The following CLPB variants were observed in gnomAD, a reference collection of about 807,000 sequenced individuals.
CLPB encodes the protein mitochondrial disaggregase.
CLPB carries 40 observed loss-of-function variants against 78.4 expected under a neutral mutation model. The observed-to-expected ratio is 0.51, with a 90% confidence interval of 0.40 to 0.66. The LOEUF is 0.66. CLPB is among the 30% of genes least tolerant of loss of function. CLPB has a pLI of 0.00. For synonymous variants in CLPB, 333 were observed against 348.0 expected (o/e 0.96, Z 0.48); for missense variants, 780 against 886.9 (o/e 0.88, Z 1.53).
chr11:72,432,227 G>A (rs1367735272), intron 1 of CLPB, among the ~76,000 whole-genome samples: 5 of 152,122 alleles, frequency 3.3e-5, no homozygotes, highest in African/African-American at 9.7e-5. Flanking sequence ...GCCTTTGCAT[G>A]GAATATAATC....
At chr11:72,366,917 G>T (rs60712691) in intron 4 of CLPB, among the ~76,000 whole-genome samples, 15,399 of 152,030 alleles carry the variant, frequency 0.1, 1,042 homozygotes, top group African/African-American at 0.19. Context: ...AAAAGAAACA[G>T]GCACTCATAT....
At chr11:72,369,597 TTTC>T (rs569598744) in intron 4 of CLPB, among the ~76,000 whole-genome samples, 5 of 152,172 alleles carry the variant, frequency 3.3e-5, no homozygotes, top group Non-Finnish European at 7.3e-5. Context: ...TCCTCTGCCT[TTTC>T]TTCAAGATGT....
chr11:72,357,700 GAAAA>G (rs747456359), intron 5 of CLPB, among the ~76,000 whole-genome samples: 3 of 43,882 alleles, frequency 6.8e-5, no homozygotes, highest in Admixed American at 2.6e-4. Flanking sequence ...CCGTGTCCCA[GAAAA>G]AAAAAAAAAA....
intron 5 of CLPB, among the ~76,000 whole-genome samples, chr11:72,351,178 A>G (rs986008702): frequency 6.6e-5 from 10 of 152,222 alleles, no homozygotes; most frequent in African/African-American, 2.4e-4. Context: ...GAGAAGGGCC[A>G]TGTTAGAGAA....
chr11:72,316,848 G>C (rs113560008), intron 7 of CLPB, among the ~76,000 whole-genome samples: 2 of 152,246 alleles, frequency 1.3e-5, no homozygotes, highest in Admixed American at 1.3e-4. Flanking sequence ...AAGCAGCCTC[G>C]AGCAAGTGAT....
At chr11:72,382,079 C>A (rs1215528501) in intron 3 of CLPB, among the ~76,000 whole-genome samples, 2 of 152,132 alleles carry the variant, frequency 1.3e-5, no homozygotes, top group African/African-American at 4.8e-5. Flanking sequence ...CTCACAGACC[C>A]AGGCTCCGTG....
At chr11:72,299,018 G>A (rs189976939) in intron 11 of CLPB, among the ~76,000 whole-genome samples, 34 of 152,294 alleles carry the variant, frequency 2.2e-4, no homozygotes, top group African/African-American at 7.7e-4. Flanking sequence ...ACTGATGAAC[G>A]GCCCCTTGGC....
At chr11:72,389,846 G>A (rs1472523042) in intron 3 of CLPB, among the ~76,000 whole-genome samples, 1 of 152,004 alleles carries the variant, frequency 6.6e-6, no homozygotes, top group East Asian at 1.9e-4. Context: ...TCAGGAGGTC[G>A]AGGCTGCAGT....
At position 72,293,130 on chromosome 11, in the gene CLPB, C is replaced by T. The variant is rs1949480003; in HGVS notation, c.*237G>A. On this transcript the variant is annotated 3_prime_UTR_variant, in exon 16 of 16. Coordinates refer to ENST00000538039, the MANE Select transcript of CLPB (RefSeq NM_001258392.3). Reference sequence around the variant, plus strand: ...CTTGAAGGGGGTGGAAAGGCAGCTCCTCTCCTGAAGGCTTGTTAGCAGGTT... The same window carrying T: ...CTTGAAGGGGGTGGAAAGGCAGCTCTTCTCCTGAAGGCTTGTTAGCAGGTT... 6.2e-6 allele frequency: 3 copies of T among 486,920 alleles called. No individual in the cohort carries two copies. The highest frequency in any genetic ancestry group is 1.1e-5 in the Non-Finnish European group (3 of 271,514). 30.2% of individuals were successfully genotyped at this position (486,920 alleles called of 1,614,324 possible).
Position 72,329,953 on chromosome 11 carries a change from T to C in CLPB, c.776-149A>G, listed in dbSNP as rs896522224. On this transcript the variant is annotated intron_variant, in intron 5 of 15. Transcript: ENST00000538039. ...TGGAAAAACATGGTACTGGGGCTCC[T>C]ACATGTGCATGCACACATGTTCGAT... 3 of 599,696 alleles carry C rather than the reference T, an allele frequency of 5.0e-6. No homozygotes were observed. The African/African-American group carries it at 5.6e-5, about 11-fold the overall frequency. The allele number at this position is 599,696 out of a possible 1,614,324, so 37.1% of individuals were successfully genotyped here.
chr11:72,419,530 T>G (rs984713471), intron 2 of CLPB, among the ~76,000 whole-genome samples: 3 of 152,204 alleles, frequency 2.0e-5, no homozygotes, highest in African/African-American at 4.8e-5. Flanking sequence ...AGACAAAGCT[T>G]CTTCATGTGG....
chr11:72,403,523 G>C (rs1855623850), intron 2 of CLPB, among the ~76,000 whole-genome samples: 1 of 152,166 alleles, frequency 6.6e-6, no homozygotes, highest in South Asian at 2.1e-4. Context: ...AACTCATCCA[G>C]TCCACAGCAA....
chr11:72,403,676 G>A (rs1269752390), intron 2 of CLPB, among the ~76,000 whole-genome samples: 2 of 152,126 alleles, frequency 1.3e-5, no homozygotes, highest in East Asian at 3.8e-4. Context: ...TTCAACTCAA[G>A]GAAAGATGGA....
intron 11 of CLPB, among the ~76,000 whole-genome samples, chr11:72,300,592 G>A (rs1949638269): frequency 6.6e-6 from 1 of 152,298 alleles, no homozygotes; most frequent in Non-Finnish European, 1.5e-5. Flanking sequence ...TGGGCCAGGT[G>A]GGGAAGGCAG....
At chr11:72,381,992 T>C (rs929250404) in intron 3 of CLPB, among the ~76,000 whole-genome samples, 1 of 152,060 alleles carries the variant, frequency 6.6e-6, no homozygotes, top group Admixed American at 6.5e-5. Flanking sequence ...CTGGCCCTCA[T>C]TGCCCTAGTA....
chr11:72,304,456 A>G (rs1949712075), intron 9 of CLPB, among the ~76,000 whole-genome samples: 1 of 152,174 alleles, frequency 6.6e-6, no homozygotes, highest in South Asian at 2.1e-4. Flanking sequence ...ATCCCTTATC[A>G]TATTGCTACT....
intron 7 of CLPB, among the ~76,000 whole-genome samples, chr11:72,311,439 C>T (rs961499112): frequency 5.3e-5 from 8 of 152,158 alleles, no homozygotes; most frequent in Non-Finnish European, 1.0e-4. Context: ...GTAAGCAGAA[C>T]AGGGGACTTG....
intron 9 of CLPB, among the ~76,000 whole-genome samples, chr11:72,306,768 C>G (rs1313452284): frequency 6.6e-6 from 1 of 152,212 alleles, no homozygotes; most frequent in Non-Finnish European, 1.5e-5. Flanking sequence ...ATTAGCACAG[C>G]CATGACTGCA....
chr11:72,410,015 G>A (rs1001219543), intron 2 of CLPB, among the ~76,000 whole-genome samples: 4 of 151,728 alleles, frequency 2.6e-5, no homozygotes, highest in African/African-American at 9.7e-5. Context: ...GATCACCTGA[G>A]GTCAGGAGTT....
Sources: gnomAD v4.1 joint callset for allele counts (sites outside exome capture counted in the v4.1 genomes callset) on GRCh38, gnomAD v4.1.1 for gene constraint, MANE v1.5 for transcripts, NCBI Gene and HGNC (gene_info 2026-07-23, HGNC 2026-07-21) for gene names.